PCDHAC2: variants seen among roughly 807,000 people sequenced by gnomAD.
The protein encoded by PCDHAC2 is protocadherin alpha-C2.
A neutral mutation model predicts 63.3 loss-of-function variants in PCDHAC2; 24 were observed. That is an observed-to-expected ratio of 0.38 (90% CI 0.27 to 0.53). PCDHAC2 has a LOEUF of 0.53. Ranked by LOEUF, PCDHAC2 falls within the 20% of genes least tolerant of loss-of-function variation. The pLI is 0.81. For missense variants in PCDHAC2, 1,181 were observed against 1,275.2 expected, an observed-to-expected ratio of 0.93 and a Z score of 1.12; for synonymous variants, 569 against 529.4, an observed-to-expected ratio of 1.07 and a Z score of -1.03.
In PCDHAC2 at chr5:141,009,880, C is replaced by G; in HGVS notation, c.2967C>G (p.Asn989Lys). The G allele has an allele frequency of 6.2e-7, 1 of 1,613,788 alleles. No individual in the cohort carries two copies. The highest frequency in any genetic ancestry group is 1.1e-5 in the South Asian group (1 of 91,042). The change falls in exon 4 of 4, where the codon AAC (asparagine) becomes AAG (lysine). Residue 989 changes from asparagine to lysine, a missense_variant. By Grantham distance (94) the Asn-to-Lys change is moderately conservative. Transcript: ENST00000289269. ...TKKKKKKKKGNKTQEKKEKGN... is the reference protein window; with the variant it reads ...TKKKKKKKKGKKTQEKKEKGN... ...AAAAGAAGAAAAAGAAGAAGGGTAA[C>G]AAGACCCAGGAGAAAAAAGAGAAAG...
At chr5:140,984,192 A>G (rs1233193080) in intron 3 of PCDHAC2, among the ~76,000 whole-genome samples, 31 of 152,144 alleles carry the variant, frequency 2.0e-4, no homozygotes, top group Admixed American at 2.0e-3. Context: ...ATGACTTTCT[A>G]CCTTGCCTTT....
At chr5:140,969,865 C>T (rs982289120) in intron 1 of PCDHAC2, among the ~76,000 whole-genome samples, 1 of 152,204 alleles carries the variant, frequency 6.6e-6, no homozygotes. Flanking sequence ...GGTACTTGCA[C>T]TGAACCTATG....
At chr5:140,989,325 G>A (rs1389327103) in intron 3 of PCDHAC2, among the ~76,000 whole-genome samples, 5 of 152,164 alleles carry the variant, frequency 3.3e-5, no homozygotes, top group African/African-American at 1.2e-4. Flanking sequence ...CACCAACTTT[G>A]CCACCTGACT....
chr5:141,006,789 CT>C (rs2098288759), intron 3 of PCDHAC2, among the ~76,000 whole-genome samples: 2 of 152,026 alleles, frequency 1.3e-5, no homozygotes, highest in Admixed American at 6.5e-5. Flanking sequence ...GAATAATTAG[CT>C]TTGAACTTTC....
intron 2 of PCDHAC2, chr5:140,982,229 A>C (rs2096972091): frequency 3.2e-6 from 2 of 616,470 alleles, no homozygotes. Context: ...TTAATAAAAA[A>C]CAGAATTGCC....
In PCDHAC2 at chr5:140,969,238, A is replaced by G; in HGVS notation, c.2472A>G (p.Ala824=). 3 of 1,614,222 alleles carry G rather than the reference A, an allele frequency of 1.9e-6. No individual in the cohort carries two copies. The highest frequency in any genetic ancestry group is 1.1e-5 in the South Asian group (1 of 91,080). Residue 824 remains alanine (A), a synonymous_variant, in exon 1 of 4, where the codon GCA becomes GCG. Coordinates refer to ENST00000289269, the MANE Select transcript of PCDHAC2 (RefSeq NM_018899.6). The part of the protein sequence containing the change: ...QTGPGPSGAQ[A]AVTDSRNLTG... Reference sequence around the variant, plus strand: ...GACCAGGGCCTTCGGGAGCCCAAGCAGCAGTGACTGACAGCAGGAATCTCA... The same window carrying G: ...GACCAGGGCCTTCGGGAGCCCAAGCGGCAGTGACTGACAGCAGGAATCTCA...
At chr5:141,002,220 G>A (rs2098065627) in intron 3 of PCDHAC2, among the ~76,000 whole-genome samples, 1 of 152,196 alleles carries the variant, frequency 6.6e-6, no homozygotes. Context: ...TCAAAATGAT[G>A]GGTTTTCTGG....
intron 3 of PCDHAC2, among the ~76,000 whole-genome samples, chr5:140,991,807 C>T (rs782693963): frequency 4.6e-5 from 7 of 152,278 alleles, no homozygotes; most frequent in Admixed American, 6.5e-5. Context: ...AGGCCACTTC[C>T]GCATTTTTAG....
In PCDHAC2 at chr5:141,009,476, C is replaced by G. The variant is rs970744618; in HGVS notation, c.2714-151C>G. ...TTAAACAAATAAATAAATAAGTAAA[C>G]ACTTGCCTTGCCCTCAGACTTGAAC... On this transcript the variant is annotated intron_variant, in intron 3 of 3. Coordinates refer to ENST00000289269, the MANE Select transcript of PCDHAC2 (RefSeq NM_018899.6). 2.3e-5 allele frequency: 32 copies of G among 1,420,036 alleles called. No individual in the cohort carries two copies. The East Asian group carries it at 7.2e-4, about 32-fold the overall frequency. 88.0% of individuals were successfully genotyped at this position (1,420,036 alleles called of 1,614,324 possible).
intron 3 of PCDHAC2, among the ~76,000 whole-genome samples, chr5:141,000,395 CTATATATATA>C (rs1190667031): frequency 1.9e-5 from 1 of 53,986 alleles, no homozygotes; most frequent in Non-Finnish European, 3.2e-5. Context: ...CTCTCTCTCT[CTATATATATA>C]TATATATATA....
rs782413551 is a variant in PCDHAC2, at chr5:141,009,873, A to G, written c.2960A>G (p.Lys987Arg). Residue 987 changes from lysine to arginine, a missense_variant, in exon 4 of 4, where the codon AAG becomes AGG. By Grantham distance (26) the Lys-to-Arg change is conservative. Coordinates refer to ENST00000289269, the MANE Select transcript of PCDHAC2 (RefSeq NM_018899.6). ...EETKKKKKKK[K>R]GNKTQEKKEK... The stretch of plus-strand genomic sequence containing the variant: ...ACCAAGAAAAAGAAGAAAAAGAAGA[A>G]GGGTAACAAGACCCAGGAGAAAAAA... 6.2e-7 allele frequency: 1 copy of G among 1,614,034 alleles called. No individual in the cohort carries two copies. The highest frequency in any genetic ancestry group is 8.5e-7 in the Non-Finnish European group (1 of 1,180,008).
Position 140,979,705 on chromosome 5 carries a change from G to A in PCDHAC2, c.2624+698G>A, listed in dbSNP as rs138804576. Among the ~76,000 whole-genome samples, 597 of 152,336 alleles carry A rather than the reference G, an allele frequency of 3.9e-3. 4 individuals carry two copies. The highest frequency in any genetic ancestry group is 0.014 in the African/African-American group (562 of 41,570). On this transcript the variant is annotated intron_variant, in intron 2 of 3. Coordinates refer to ENST00000289269, the MANE Select transcript of PCDHAC2 (RefSeq NM_018899.6). ...ATTAACTACCATTATTTCTGGAGGT[G>A]ATCCAGTATCCATGCCATGGGGCCA... is the stretch of plus-strand genomic sequence containing the variant.
In PCDHAC2 at chr5:140,974,947, C is replaced by T. The variant is rs145175873; in HGVS notation, c.2566-4002C>T. On this transcript the variant is annotated intron_variant, in intron 1 of 3. Coordinates refer to ENST00000289269, the MANE Select transcript of PCDHAC2 (RefSeq NM_018899.6). ...GTTTAAAACACCACCTATTTGTTAT[C>T]TCACAGTCCTGTACCATGTGGCTGA... is the stretch of plus-strand genomic sequence containing the variant. 2.7e-3 allele frequency among the ~76,000 whole-genome samples: 417 copies of T among 152,322 alleles called. 3 individuals carry two copies. The highest frequency in any genetic ancestry group is 2.1e-3 in the Non-Finnish European group (142 of 68,022).
chr5:140,971,529 T>G (rs782358590), intron 1 of PCDHAC2, among the ~76,000 whole-genome samples: 1 of 152,176 alleles, frequency 6.6e-6, no homozygotes, highest in East Asian at 1.9e-4. Flanking sequence ...GTTCTGAAAG[T>G]CATCATTGCC....
At chr5:140,996,831 T>C (rs1196344709) in intron 3 of PCDHAC2, among the ~76,000 whole-genome samples, 1 of 152,204 alleles carries the variant, frequency 6.6e-6, no homozygotes, top group Non-Finnish European at 1.5e-5. Flanking sequence ...CTACCAATAA[T>C]TTAGCGTGCA....
At chr5:140,982,202 G>A (rs2096970508) in intron 2 of PCDHAC2, 2 of 405,606 alleles carry the variant, frequency 4.9e-6, no homozygotes, top group Non-Finnish European at 8.1e-6. Context: ...GTTAGATTTA[G>A]TGAGCGCCAC....
rs782634339 is a variant in PCDHAC2, at chr5:140,968,527, G to A, written c.1761G>A (p.Ser587=). The A allele has an allele frequency of 9.3e-6, 15 of 1,614,142 alleles. No homozygotes were observed. Among genetic ancestry groups the A allele is most frequent in the Middle Eastern group, 1.6e-4 (1 of 6,062 alleles). ...TTCTGTACCCTACCTCAACCAACTC[G>A]TCAGCAGCCTTCGAGATGGTGCCTC... The part of the protein sequence containing the change: ...PHILYPTSTN[S]SAAFEMVPRT... Residue 587 remains serine (S), a synonymous_variant, in exon 1 of 4, where the codon TCG becomes TCA. Coordinates refer to ENST00000289269, the MANE Select transcript of PCDHAC2 (RefSeq NM_018899.6).
chr5:140,985,801 A>G (rs2097171670), intron 3 of PCDHAC2, among the ~76,000 whole-genome samples: 1 of 135,588 alleles, frequency 7.4e-6, no homozygotes, highest in Admixed American at 8.6e-5. Flanking sequence ...GTGCAGTGGC[A>G]CGATCTCAGC....
chr5:141,001,825 CAG>C (rs1244261427), intron 3 of PCDHAC2, among the ~76,000 whole-genome samples: 1 of 151,674 alleles, frequency 6.6e-6, no homozygotes, highest in Non-Finnish European at 1.5e-5. Flanking sequence ...CAAATTCTGA[CAG>C]AGAGGGAGAC....
Sources: gnomAD v4.1 joint callset for allele counts (sites outside exome capture counted in the v4.1 genomes callset) on GRCh38, gnomAD v4.1.1 for gene constraint, MANE v1.5 for transcripts, NCBI Gene and HGNC (gene_info 2026-07-23, HGNC 2026-07-21) for gene names.